Variants in XIRP2 observed in about 807,000 individuals in gnomAD.
The protein encoded by XIRP2 is xin actin binding repeat containing 2, also known as xin actin-binding repeat-containing protein 2.
XIRP2 carries 236 observed loss-of-function variants against 277.0 expected under a neutral mutation model. That is an observed-to-expected ratio of 0.85 (90% CI 0.77 to 0.95). The LOEUF is 0.95. Ranked by LOEUF, XIRP2 falls within the 40% of genes least tolerant of loss-of-function variation. The pLI is 0.00. For missense variants in XIRP2, 4,640 were observed against 4,157.5 expected (o/e 1.12, Z -3.19); for synonymous variants, 1,490 against 1,416.5 (o/e 1.05, Z -1.17).
chr2:166,938,641 G>A (rs138384786), intron 2 of XIRP2, among the ~76,000 whole-genome samples: 1,766 of 152,172 alleles, frequency 0.012, 31 homozygotes, highest in African/African-American at 0.04. Flanking sequence ...TTTAATTCCT[G>A]GATATCCTTG....
At chr2:166,964,568 G>A (rs1686377717) in intron 2 of XIRP2, among the ~76,000 whole-genome samples, 1 of 151,810 alleles carries the variant, frequency 6.6e-6, no homozygotes, top group South Asian at 2.1e-4. Flanking sequence ...AGTCAGTTGA[G>A]AATAAGTTGC....
intron 2 of XIRP2, among the ~76,000 whole-genome samples, chr2:167,080,225 G>T (rs191476703): frequency 6.6e-6 from 1 of 152,252 alleles, no homozygotes. Flanking sequence ...ATTTCTGAAG[G>T]AAAGATGTGG....
intron 3 of XIRP2, among the ~76,000 whole-genome samples, chr2:167,172,308 A>G (rs140239897): frequency 0.099 from 15,021 of 152,220 alleles, 795 homozygotes; most frequent in South Asian, 0.15. Flanking sequence ...ATATCACAAG[A>G]CAAATGGAGG....
chr2:167,158,514 TC>T (rs2105338235), intron 3 of XIRP2, among the ~76,000 whole-genome samples: 1 of 152,314 alleles, frequency 6.6e-6, no homozygotes, highest in African/African-American at 2.4e-5. Flanking sequence ...TGGGATGGCC[TC>T]CCAGGAATGG....
At chr2:167,108,779 TA>T (rs147667786) in intron 2 of XIRP2, among the ~76,000 whole-genome samples, 5,276 of 151,986 alleles carry the variant, frequency 0.035, 122 homozygotes, top group South Asian at 0.083. Flanking sequence ...GTATACTCTT[TA>T]AAAATCCAAA....
At chr2:167,188,500 A>G (rs1207116641) in intron 3 of XIRP2, among the ~76,000 whole-genome samples, 2 of 152,220 alleles carry the variant, frequency 1.3e-5, no homozygotes, top group Non-Finnish European at 2.9e-5. Context: ...TGTACAGTGC[A>G]CCAAAGGACA....
At chr2:167,241,982 A>C (rs1043818438) in intron 8 of XIRP2, 72 bp downstream of exon 8, 43 of 1,460,794 alleles carry the variant, frequency 2.9e-5, no homozygotes, top group Middle Eastern at 3.7e-4. Flanking sequence ...TTTTCAAATT[A>C]TTGAATACTT....
At chr2:167,125,259 A>ACCTGT (rs1691168729) in intron 2 of XIRP2, among the ~76,000 whole-genome samples, 1 of 152,192 alleles carries the variant, frequency 6.6e-6, no homozygotes, top group Non-Finnish European at 1.5e-5. Flanking sequence ...TTTATCAAGT[A>ACCTGT]CCTGCCATGT....
chr2:167,099,838 C>T (rs1442827586), intron 2 of XIRP2, among the ~76,000 whole-genome samples: 1 of 152,102 alleles, frequency 6.6e-6, no homozygotes, highest in Non-Finnish European at 1.5e-5. Context: ...GGGCTGCACC[C>T]ACTGTCTAAC....
intron 3 of XIRP2, among the ~76,000 whole-genome samples, chr2:167,194,842 T>G (rs1226228089): frequency 1.3e-5 from 2 of 152,186 alleles, no homozygotes; most frequent in Non-Finnish European, 2.9e-5. Flanking sequence ...GAATTTATCT[T>G]TATAAAGTTC....
chr2:167,200,559 G>A (rs1177950264), intron 3 of XIRP2, among the ~76,000 whole-genome samples: 1 of 152,156 alleles, frequency 6.6e-6, no homozygotes, highest in African/African-American at 2.4e-5. Context: ...GGTGGTTCAC[G>A]GCCTAGTGCC....
intron 3 of XIRP2, among the ~76,000 whole-genome samples, chr2:167,136,855 G>A (rs1691568035): frequency 6.6e-6 from 1 of 152,224 alleles, no homozygotes; most frequent in South Asian, 2.1e-4. Context: ...ACCAGTCCAT[G>A]TGAGCAATGT....
rs1459494612 is a variant in XIRP2, at chr2:167,218,301, G to A, written c.858+1G>A. 2 of 1,506,862 alleles carry A rather than the reference G, an allele frequency of 1.3e-6. No individual in the cohort carries two copies. The highest frequency in any genetic ancestry group is 1.4e-5 in the South Asian group (1 of 72,260). The allele number at this position is 1,506,862 out of a possible 1,614,324, so 93.3% of individuals were successfully genotyped here. On this transcript the variant is annotated splice_donor_variant, in intron 5 of 10. Transcript: ENST00000409195. LOFTEE classifies it high-confidence loss of function. ...TCAACATCAGAACAGATCTGAGCAGGTAATACTACTACAGGTGATGGGTAA... is the reference window on the plus strand; with the variant it reads ...TCAACATCAGAACAGATCTGAGCAGATAATACTACTACAGGTGATGGGTAA...
intron 2 of XIRP2, among the ~76,000 whole-genome samples, chr2:167,053,734 A>G (rs1688974233): frequency 6.6e-6 from 1 of 152,198 alleles, no homozygotes; most frequent in Admixed American, 6.5e-5. Flanking sequence ...TGATAATAGG[A>G]TCATTAAACA....
Position 167,243,910 on chromosome 2 carries a change from A to C in XIRP2, c.2518A>C (p.Arg840=). The C allele has an allele frequency of 6.2e-7, 1 of 1,614,104 alleles. No homozygotes were observed. Among genetic ancestry groups the C allele is most frequent in the Non-Finnish European group, 8.5e-7 (1 of 1,179,962 alleles). Reference sequence around the variant, plus strand: ...AAAAATAATAGGTACAGATGTCTCCAGAAAGTGTTGGATGTTTGAAACCCA... The same window carrying C: ...AAAAATAATAGGTACAGATGTCTCCCGAAAGTGTTGGATGTTTGAAACCCA... ...KEKIIGTDVS[R]KCWMFETQPL... is the part of the protein sequence containing the mutation. The change falls in exon 9 of 11, where the codon AGA becomes CGA. Residue 840 remains arginine (R), a synonymous_variant. Coordinates refer to ENST00000409195, the MANE Select transcript of XIRP2 (RefSeq NM_152381.6).
intron 2 of XIRP2, among the ~76,000 whole-genome samples, chr2:167,040,542 G>A (rs1336891342): frequency 6.6e-6 from 1 of 152,186 alleles, no homozygotes; most frequent in Non-Finnish European, 1.5e-5. Flanking sequence ...GGCAGAGACA[G>A]AAATCCAGCC....
intron 2 of XIRP2, among the ~76,000 whole-genome samples, chr2:167,025,275 G>T (rs1199657028): frequency 6.6e-6 from 1 of 152,108 alleles, no homozygotes; most frequent in African/African-American, 2.4e-5. Context: ...ATGGTAGTTT[G>T]TATTTCTGTG....
intron 2 of XIRP2, among the ~76,000 whole-genome samples, chr2:166,959,747 A>C (rs986305645): frequency 6.6e-6 from 1 of 151,728 alleles, no homozygotes; most frequent in Non-Finnish European, 1.5e-5. Flanking sequence ...TGAGAGTTTG[A>C]CCACAAATTA....
At chr2:167,007,703 T>TCACACA (rs57336666) in intron 2 of XIRP2, among the ~76,000 whole-genome samples, 76 of 130,154 alleles carry the variant, frequency 5.8e-4, no homozygotes, top group Non-Finnish European at 8.3e-4. Flanking sequence ...TCTCTCTCTC[T>TCACACA]CACACACACA....
Sources: allele counts gnomAD v4.1 joint callset (sites outside exome capture counted in the v4.1 genomes callset), GRCh38; gene constraint gnomAD v4.1.1; transcripts MANE v1.5; gene names NCBI Gene and HGNC (gene_info 2026-07-23, HGNC 2026-07-21).